SCIN: variants seen among roughly 807,000 people sequenced by gnomAD.
SCIN encodes the protein scinderin, also known as adseverin.
A neutral mutation model predicts 91.8 loss-of-function variants in SCIN; 91 were observed. The ratio of observed to expected loss-of-function variants is 0.99; its 90% confidence interval spans 0.84 to 1.18. The LOEUF is 1.18. Among genes scored for constraint, SCIN ranks in the 50% most tolerant of loss-of-function variants. SCIN has a pLI of 0.00. For missense variants in SCIN, 1,087 were observed against 863.9 expected (o/e 1.26, Z -3.24); for synonymous variants, 367 against 312.6 (o/e 1.17, Z -1.84).
chr7:12,640,229 T>C (rs1290000549), intron 10 of SCIN, 118 bp from the exon 11 acceptor site: 3 of 860,084 alleles, frequency 3.5e-6, no homozygotes, highest in African/African-American at 3.5e-5. Context: ...CTCCTGCTCT[T>C]GACTTTTTAT....
intron 4 of SCIN, among the ~76,000 whole-genome samples, chr7:12,622,020 T>C (rs994018000): frequency 2.6e-5 from 4 of 151,862 alleles, no homozygotes; most frequent in Non-Finnish European, 5.9e-5. Context: ...AAAATTAAAT[T>C]ATTTAAAATA....
At chr7:12,641,280 C>T (rs1261156385) in intron 11 of SCIN, among the ~76,000 whole-genome samples, 2 of 152,234 alleles carry the variant, frequency 1.3e-5, no homozygotes, top group Admixed American at 6.5e-5. Context: ...CTAAGCCTCC[C>T]TCTCCCTGCA....
intron 5 of SCIN, among the ~76,000 whole-genome samples, chr7:12,624,509 C>T (rs543774385): frequency 7.9e-5 from 12 of 152,248 alleles, no homozygotes; most frequent in African/African-American, 2.2e-4. Context: ...CTTAACAAAG[C>T]GACTGGTATA....
chr7:12,607,133 G>T (rs1267301750), intron 4 of SCIN, among the ~76,000 whole-genome samples: 1 of 152,198 alleles, frequency 6.6e-6, no homozygotes, highest in South Asian at 2.1e-4. Context: ...CATCACTCAT[G>T]CTTCTCCAGG....
At chr7:12,608,849 G>A (rs538914412) in intron 4 of SCIN, among the ~76,000 whole-genome samples, 3 of 152,100 alleles carry the variant, frequency 2.0e-5, no homozygotes, top group African/African-American at 4.8e-5. Context: ...AGCTTTGAAA[G>A]TCTCTCTATG....
intron 4 of SCIN, among the ~76,000 whole-genome samples, chr7:12,622,353 T>A (rs1783427271): frequency 2.0e-5 from 3 of 152,148 alleles, no homozygotes; most frequent in African/African-American, 7.2e-5. Context: ...TATATGTCAA[T>A]AATTATAGTA....
chr7:12,608,902 T>C (rs1339151669), intron 4 of SCIN, among the ~76,000 whole-genome samples: 2 of 152,336 alleles, frequency 1.3e-5, no homozygotes, highest in East Asian at 3.9e-4. Flanking sequence ...TTTTAATCAA[T>C]TAAATGAGCC....
chr7:12,584,222 A>C, intron 3 of SCIN, among the ~76,000 whole-genome samples: 1 of 152,208 alleles, frequency 6.6e-6, no homozygotes, highest in East Asian at 1.9e-4. Context: ...TAATATTTTA[A>C]TAGTAGTAAT....
At position 12,604,691 on chromosome 7, in the gene SCIN, G is replaced by C. The variant is rs766945801; in HGVS notation, c.666+28G>C. ...ATTGTGACTCCTGTTGTTTGTTAAA[G>C]GGTTACCACTCCAACTCGTATGTGT... On this transcript the variant is annotated intron_variant, in intron 4 of 15. Transcript: ENST00000297029. 3 of 1,541,520 alleles carry C rather than the reference G, an allele frequency of 1.9e-6. No homozygotes were observed. In the African/African-American group the frequency reaches 4.2e-5, roughly 22 times the overall value.
At chr7:12,591,696 C>G (rs565575814) in intron 3 of SCIN, among the ~76,000 whole-genome samples, 2 of 151,962 alleles carry the variant, frequency 1.3e-5, no homozygotes, top group African/African-American at 4.8e-5. Context: ...GCTAGGAGGG[C>G]AAAGTTGGAA....
At position 12,652,843 on chromosome 7, in the gene SCIN, C is replaced by T; in HGVS notation, c.*128C>T. 8.9e-7 allele frequency: 1 copy of T among 1,118,668 alleles called. No individual in the cohort carries two copies. Among genetic ancestry groups the T allele is most frequent in the Non-Finnish European group, 1.3e-6 (1 of 792,100 alleles). 69.3% of individuals were successfully genotyped at this position (1,118,668 alleles called of 1,614,324 possible). A position where few individuals can be genotyped will look rare whatever the true frequency, so the allele number is the denominator to read the frequency against. ...TTAAGGCTGGGCGCGGTGGCTCACACCTGTAATCCCAGCACTTTGAGAGGA... is the reference window on the plus strand; with the variant it reads ...TTAAGGCTGGGCGCGGTGGCTCACATCTGTAATCCCAGCACTTTGAGAGGA... On this transcript the variant is annotated 3_prime_UTR_variant, in exon 16 of 16. Coordinates refer to ENST00000297029, the MANE Select transcript of SCIN (RefSeq NM_001112706.3).
At chr7:12,602,598 A>C (rs189858609) in intron 3 of SCIN, among the ~76,000 whole-genome samples, 47 of 152,242 alleles carry the variant, frequency 3.1e-4, no homozygotes, top group African/African-American at 1.1e-3. Context: ...TCCCCCAAGG[A>C]ATGCAATTCC....
intron 1 of SCIN, among the ~76,000 whole-genome samples, chr7:12,575,437 G>A (rs1455368079): frequency 6.6e-6 from 1 of 151,640 alleles, no homozygotes; most frequent in Non-Finnish European, 1.5e-5. Flanking sequence ...TGGATTTTAT[G>A]GGAAAAACAT....
intron 1 of SCIN, among the ~76,000 whole-genome samples, chr7:12,575,564 G>A (rs1782353472): frequency 6.6e-6 from 1 of 152,010 alleles, no homozygotes; most frequent in South Asian, 2.1e-4. Context: ...ATGAATGGCT[G>A]TTGGATTAAC....
chr7:12,616,722 A>G (rs563416124), intron 4 of SCIN, among the ~76,000 whole-genome samples: 1 of 152,276 alleles, frequency 6.6e-6, no homozygotes, highest in African/African-American at 2.4e-5. Context: ...ATAAGGTCGT[A>G]TGTACAAGAC....
intron 3 of SCIN, among the ~76,000 whole-genome samples, chr7:12,588,466 C>T (rs567888326): frequency 3.3e-5 from 5 of 152,042 alleles, no homozygotes; most frequent in African/African-American, 7.2e-5. Flanking sequence ...AGAGAAAGGA[C>T]GAGAGAGAGA....
At chr7:12,603,818 T>C (rs1783014183) in intron 3 of SCIN, among the ~76,000 whole-genome samples, 1 of 152,136 alleles carries the variant, frequency 6.6e-6, no homozygotes, top group South Asian at 2.1e-4. Flanking sequence ...TATCATAATT[T>C]ATATAACTAT....
At chr7:12,644,977 T>TGG (rs1262464995) in intron 13 of SCIN, among the ~76,000 whole-genome samples, 4 of 123,040 alleles carry the variant, frequency 3.3e-5, no homozygotes, top group Non-Finnish European at 3.2e-5. Flanking sequence ...GTCGCGCCAC[T>TGG]CCACTCCACT....
Position 12,656,185 on chromosome 7 carries a change from G to A in SCIN, c.*3470G>A, listed in dbSNP as rs1784159592. On this transcript the variant is annotated 3_prime_UTR_variant, in exon 16 of 16. Transcript: ENST00000297029. ...TGTTTTGGCCTCCAGTAATGATTAG[G>A]AACACACTATAAACATAAAACATCA... 2 of 151,978 alleles carry A rather than the reference G, an allele frequency of 1.3e-5. No homozygotes were observed. The highest frequency in any genetic ancestry group is 4.8e-5 in the African/African-American group (2 of 41,348). The allele number at this position is 151,978 out of a possible 1,614,324, so 9.4% of individuals were successfully genotyped here.
Sources: gnomAD v4.1 joint callset for allele counts (sites outside exome capture counted in the v4.1 genomes callset) on GRCh38, gnomAD v4.1.1 for gene constraint, MANE v1.5 for transcripts, NCBI Gene and HGNC (gene_info 2026-07-23, HGNC 2026-07-21) for gene names.